Variants in ITSN2 observed in about 807,000 individuals in gnomAD.
The protein encoded by ITSN2 is intersectin 2.
A neutral mutation model predicts 243.7 loss-of-function variants in ITSN2; 156 were observed. The observed-to-expected ratio is 0.64, with a 90% confidence interval of 0.56 to 0.73. The LOEUF (loss-of-function observed/expected upper bound fraction) is 0.73. ITSN2 is among the 30% of genes least tolerant of loss of function. The pLI, the probability that ITSN2 is intolerant of heterozygous loss-of-function variation, is 0.00. For missense variants in ITSN2, 1,801 were observed against 1,996.1 expected (o/e 0.90, Z 1.86); for synonymous variants, 703 against 699.9 (o/e 1.00, Z -0.07).
In ITSN2 at chr2:24,248,842, T is replaced by C. The variant is rs1439217602; in HGVS notation, c.3161A>G (p.Lys1054Arg). ...AAGATCACTACTATACGTACCAGGT[T>C]TTTTATTTGATGCTCCAGACTTGCT... ...SASKSGASNKKPEIAQVTSAY... is the reference protein window; with the variant it reads ...SASKSGASNKRPEIAQVTSAY... The change falls in exon 26 of 40, where the codon AAA (lysine) becomes AGA (arginine). Residue 1054 changes from lysine (K) to arginine (R), a missense_variant. Lys to Arg is a conservative substitution (Grantham distance 26). This residue lies in a region of ITSN2 where 928 missense variants were observed against 1,065.4 expected (regional missense o/e 0.87). Transcript: ENST00000355123. 2 of 1,613,804 alleles carry C rather than the reference T, an allele frequency of 1.2e-6. No individual in the cohort carries two copies. Among genetic ancestry groups the C allele is most frequent in the Non-Finnish European group, 1.7e-6 (2 of 1,179,780 alleles).
At chr2:24,327,769 G>A (rs888967683) in intron 2 of ITSN2, among the ~76,000 whole-genome samples, 2 of 151,922 alleles carry the variant, frequency 1.3e-5, no homozygotes, top group Non-Finnish European at 2.9e-5. Flanking sequence ...TCACCTTATA[G>A]CACTCTGCTA....
chr2:24,206,291 CAT>C (rs376445190), intron 37 of ITSN2: 36 of 430,194 alleles, frequency 8.4e-5, no homozygotes, highest in African/African-American at 5.3e-4. Flanking sequence ...TAAAAAAACA[CAT>C]AAAGAGCTGC....
chr2:24,256,077 A>G (rs1418706975), intron 23 of ITSN2, among the ~76,000 whole-genome samples: 2 of 151,898 alleles, frequency 1.3e-5, no homozygotes, highest in African/African-American at 2.4e-5. Flanking sequence ...AACAAAAATT[A>G]GCCGGGCATG....
intron 7 of ITSN2, 145 bp from the exon 8 acceptor site, chr2:24,308,901 C>A (rs761687029): frequency 1.8e-5 from 11 of 615,010 alleles, no homozygotes; most frequent in Admixed American, 1.7e-4. Context: ...GGCTGGACAG[C>A]GGGGCTCGGT....
At chr2:24,272,561 A>T (rs2151467353) in intron 18 of ITSN2, among the ~76,000 whole-genome samples, 1 of 151,596 alleles carries the variant, frequency 6.6e-6, no homozygotes, top group African/African-American at 2.4e-5. Context: ...CCTCCAAAGT[A>T]GCTAGCACTA....
chr2:24,279,873 T>C (rs1678541531), intron 17 of ITSN2, among the ~76,000 whole-genome samples: 2 of 151,360 alleles, frequency 1.3e-5, no homozygotes, highest in South Asian at 4.2e-4. Context: ...GCTGGGACTA[T>C]AGGCGTCTGC....
chr2:24,267,811 C>T (rs760935234), intron 20 of ITSN2, among the ~76,000 whole-genome samples: 2 of 152,162 alleles, frequency 1.3e-5, no homozygotes, highest in Non-Finnish European at 2.9e-5. Context: ...CCTGCCTCGG[C>T]CTCTCAAAGT....
At chr2:24,282,019 C>T (rs559471706) in intron 17 of ITSN2, among the ~76,000 whole-genome samples, 2 of 152,334 alleles carry the variant, frequency 1.3e-5, no homozygotes, top group South Asian at 2.1e-4. Context: ...TAGAGAAAGG[C>T]GGGTCCCTGG....
chr2:24,347,476 C>T (rs1264436177), intron 1 of ITSN2, among the ~76,000 whole-genome samples: 3 of 152,102 alleles, frequency 2.0e-5, no homozygotes, highest in African/African-American at 7.2e-5. Context: ...CACCTGAGGT[C>T]GGGAGTTCGA....
chr2:24,324,853 CAAAAAAAAAAAA>C (rs10554094), intron 2 of ITSN2, among the ~76,000 whole-genome samples: 2 of 59,310 alleles, frequency 3.4e-5, no homozygotes, highest in South Asian at 7.2e-4. Context: ...GACCCTGTCT[CAAAAAAAAAAAA>C]AAAAAAAAAA....
rs772595076 is a variant in ITSN2 at position 24,310,485 on chromosome 2, T to C, written c.556+4A>G. The stretch of plus-strand genomic sequence containing the variant: ...TAATGACTCTTTAGAAACAAAGTAC[T>C]CACTTGAAGAAGAATAAGGAATGGG... On this transcript the variant is annotated splice_donor_region_variant and intron_variant, in intron 6 of 39. Coordinates refer to ENST00000355123, the MANE Select transcript of ITSN2 (RefSeq NM_006277.3). 1.9e-6 allele frequency: 3 copies of C among 1,613,252 alleles called. No homozygotes were observed. Among genetic ancestry groups the C allele is most frequent in the African/African-American group, 2.7e-5 (2 of 75,040 alleles).
chr2:24,261,935 T>C (rs1675944816), intron 20 of ITSN2, among the ~76,000 whole-genome samples, 193 bp from the exon 21 acceptor site: 1 of 150,808 alleles, frequency 6.6e-6, no homozygotes, highest in South Asian at 2.1e-4. Context: ...TTTAATTTTA[T>C]CCAAGTTACA....
At position 24,204,748 on chromosome 2, in the gene ITSN2, G is replaced by C. The variant is rs1258070131; in HGVS notation, c.4763-330C>G. On this transcript the variant is annotated intron_variant, in intron 38 of 39. Coordinates refer to ENST00000355123, the MANE Select transcript of ITSN2 (RefSeq NM_006277.3). The surrounding 1 kb of genome is among the most constrained non-coding windows in gnomAD (Gnocchi z 5.1). ...GGAAGGCGGGCACTGGCACTTACTG[G>C]GAAAACAGTGATAAGAATATTGGTC... 1.9e-6 allele frequency: 1 copy of C among 513,710 alleles called. No homozygotes were observed. The highest frequency in any genetic ancestry group is 3.8e-6 in the Non-Finnish European group (1 of 265,064). The allele number at this position is 513,710 out of a possible 1,614,324, so 31.8% of individuals were successfully genotyped here. A position where few individuals can be genotyped will look rare whatever the true frequency, so the allele number is the denominator to read the frequency against.
intron 1 of ITSN2, among the ~76,000 whole-genome samples, chr2:24,333,975 C>T (rs1686066060): frequency 6.6e-6 from 1 of 152,202 alleles, no homozygotes; most frequent in Non-Finnish European, 1.5e-5. Flanking sequence ...CTGCAACCTC[C>T]ACTTCCTGGG....
chr2:24,230,280 T>C (rs115495465), intron 29 of ITSN2, among the ~76,000 whole-genome samples: 70 of 152,294 alleles, frequency 4.6e-4, no homozygotes, highest in African/African-American at 1.7e-3. Context: ...ACCTGTGGGA[T>C]CCCTCTTCAC....
rs79060892 is a variant in ITSN2 at position 24,312,252 on chromosome 2, C to T, written c.312G>A (p.Lys104=). 3.2e-4 allele frequency: 522 copies of T among 1,612,728 alleles called. 3 individuals are homozygous for T. In the African/African-American group the frequency reaches 6.1e-3, roughly 19 times the overall value. Residue 104 remains lysine, a synonymous_variant, in exon 5 of 40, where the codon AAG becomes AAA. Transcript: ENST00000355123. ...TTAATGGAGAAAACATAGGGGGTTGCTTCATAATAGGAGGGAGAACCACAG... is the reference window on the plus strand; with the variant it reads ...TTAATGGAGAAAACATAGGGGGTTGTTTCATAATAGGAGGGAGAACCACAG... ...QLPVVLPPIM[K]QPPMFSPLIS...
At chr2:24,228,943 A>C (rs941838452) in intron 29 of ITSN2, among the ~76,000 whole-genome samples, 3 of 152,204 alleles carry the variant, frequency 2.0e-5, no homozygotes, top group African/African-American at 7.2e-5. Flanking sequence ...TTCTAAAAGC[A>C]ACTGGGGAGG....
chr2:24,310,546 A>G lies in ITSN2; in HGVS notation c.499T>C (p.Leu167=). The G allele has an allele frequency of 1.2e-6, 2 of 1,614,200 alleles. No individual in the cohort carries two copies. Among genetic ancestry groups the G allele is most frequent in the Non-Finnish European group, 1.7e-6 (2 of 1,180,032 alleles). ...PLVPSVSTSS[L]PNGTASLIQP... ...ATGAGACTGGCGGTTCCATTTGGTA[A>G]TGATGATGTGCTAACAGAAGGCACT... Residue 167 remains leucine (L), a synonymous_variant, in exon 6 of 40, where the codon TTA becomes CTA. Transcript: ENST00000355123.
chr2:24,274,225 C>G (rs575834788), intron 18 of ITSN2, among the ~76,000 whole-genome samples: 14 of 152,156 alleles, frequency 9.2e-5, no homozygotes, highest in Non-Finnish European at 1.9e-4. Context: ...TTGAACTTTA[C>G]TTTCTCTACT....
Sources: gnomAD v4.1 joint callset for allele counts (sites outside exome capture counted in the v4.1 genomes callset) on GRCh38, gnomAD v4.1.1 for gene constraint, gnomAD v4.1.1 regional missense constraint, Gnocchi (gnomAD v3.1) non-coding constraint, MANE v1.5 for transcripts, NCBI Gene and HGNC (gene_info 2026-07-23, HGNC 2026-07-21) for gene names.